MGAM: variants seen among roughly 807,000 people sequenced by gnomAD.
The protein encoded by MGAM is alpha-1,4-glucosidase.
In MGAM, 253 loss-of-function variants were observed where a neutral mutation model predicts 358.8. That is an observed-to-expected ratio of 0.71 (90% confidence interval 0.64 to 0.78). The LOEUF is 0.78. MGAM is among the 30% of genes least tolerant of loss of function. The probability of loss-of-function intolerance (pLI) is 0.00; values close to 1 mark genes in which losing one functional copy is unlikely to be tolerated. For missense variants in MGAM, 3,080 were observed against 3,432.6 expected (o/e 0.90, Z 2.57); for synonymous variants, 1,105 against 1,227.1 (o/e 0.90, Z 2.08).
At position 142,083,283 on chromosome 7, in the gene MGAM, A is replaced by G. The variant is rs1468087962; in HGVS notation, c.6269-18A>G. The G allele has an allele frequency of 1.3e-6, 2 of 1,516,828 alleles. No homozygotes were observed. Among genetic ancestry groups the G allele is most frequent in the Non-Finnish European group, 1.8e-6 (2 of 1,103,306 alleles). The allele number at this position is 1,516,828 out of a possible 1,614,324, so 94.0% of individuals were successfully genotyped here. On this transcript the variant is annotated intron_variant, in intron 52 of 70. Transcript: ENST00000475668. ...GTGGAAAGTTTCCAGCTTGATTAGCATTTTTCTTCATTTTCAGATGTGACG... is the reference window on the plus strand; with the variant it reads ...GTGGAAAGTTTCCAGCTTGATTAGCGTTTTTCTTCATTTTCAGATGTGACG...
At chr7:142,050,605 G>A in intron 23 of MGAM, 92 bp from the exon 24 acceptor site, 2 of 1,293,944 alleles carry the variant, frequency 1.5e-6, no homozygotes, top group Non-Finnish European at 2.2e-6. Context: ...GGCAGTGGGG[G>A]GTATCCGGTC....
rs781524461 is a variant in MGAM at position 142,071,167 on chromosome 7, A to C, written c.5186+49A>C. On this transcript the variant is annotated intron_variant, in intron 44 of 70. Coordinates refer to ENST00000475668, the MANE Select transcript of MGAM (RefSeq NM_001365693.1). ...CCTTTACATTTCAGTTAGCTCAACA[A>C]TTTGTGATGAAGTCTACCAAAATGT... 5 of 1,511,272 alleles carry C rather than the reference A, an allele frequency of 3.3e-6. No homozygotes were observed. In the Admixed American group the frequency reaches 9.3e-5, roughly 28 times the overall value. 93.6% of individuals were successfully genotyped at this position (1,511,272 alleles called of 1,614,324 possible). A position where few individuals can be genotyped will look rare whatever the true frequency, so the allele number is the denominator to read the frequency against.
At position 142,096,533 on chromosome 7, in the gene MGAM, T is replaced by C. The variant is rs956071365; in HGVS notation, c.7692+118T>C. On this transcript the variant is annotated intron_variant, in intron 65 of 70. Transcript: ENST00000475668. The stretch of plus-strand genomic sequence containing the variant: ...AAGACATGGTTTCTTATTCTACCTG[T>C]GTCTCTTCCTCTCTTTCTGAGCTGA... 2.5e-5 allele frequency: 30 copies of C among 1,220,032 alleles called. No individual in the cohort carries two copies. In the African/African-American group the frequency reaches 4.5e-4, roughly 18 times the overall value. The allele number at this position is 1,220,032 out of a possible 1,614,324, so 75.6% of individuals were successfully genotyped here. A position where few individuals can be genotyped will look rare whatever the true frequency, so the allele number is the denominator to read the frequency against.
chr7:142,034,469 T>G, intron 15 of MGAM, 90 bp downstream of exon 15: 1 of 1,071,526 alleles, frequency 9.3e-7, no homozygotes. Flanking sequence ...GGCTAATGCA[T>G]AAAATTTCTT....
chr7:142,071,330 G>A (rs1813331418), intron 44 of MGAM, among the ~76,000 whole-genome samples: 1 of 146,502 alleles, frequency 6.8e-6, no homozygotes, highest in Non-Finnish European at 1.5e-5. Flanking sequence ...AAGGGAGTGA[G>A]ATGAAAGGTC....
chr7:142,052,877 G>C lies in MGAM; in HGVS notation c.3052G>C (p.Asp1018His). 1 of 1,613,874 alleles carries C rather than the reference G, an allele frequency of 6.2e-7. No homozygotes were observed. The highest frequency in any genetic ancestry group is 8.5e-7 in the Non-Finnish European group (1 of 1,179,852). The change falls in exon 26 of 71, where the codon GAC becomes CAC. Residue 1018 changes from aspartate to histidine, a missense_variant. By Grantham distance (81) the Asp-to-His change is moderately conservative (BLOSUM62 -1). Around this residue, in one of 5 missense-constraint regions of MGAM, gnomAD observed 1,816 missense variants for 1,840.5 expected, o/e 0.99. Transcript: ENST00000475668. ...GTATAATTCCCATGGGGCCACAGCT[G>C]ACATCTCCTTAAAGTCTTCCGTTTA... ...VQYNSHGATA[D>H]ISLKSSVYAN...
At chr7:142,048,866 G>A (rs758599414) in intron 22 of MGAM, among the ~76,000 whole-genome samples, 15 of 152,152 alleles carry the variant, frequency 9.9e-5, no homozygotes, top group African/African-American at 1.4e-4. Flanking sequence ...TGGACAATGT[G>A]AGGATTTAAT....
At position 142,030,754 on chromosome 7, in the gene MGAM, G is replaced by A; in HGVS notation, c.1467G>A (p.Gly489=). 6.3e-7 allele frequency: 1 copy of A among 1,596,752 alleles called. No homozygotes were observed. Among genetic ancestry groups the A allele is most frequent in the Non-Finnish European group, 8.6e-7 (1 of 1,164,334 alleles). Residue 489 remains glycine (G), a synonymous_variant, in exon 12 of 71, where the codon GGG becomes GGA. Coordinates refer to ENST00000475668, the MANE Select transcript of MGAM (RefSeq NM_001365693.1). ...CAGATGGAGTGACTCCACTCATTGGGGAGGTAACTTAATGGGAAGGCTGGA... is the reference window on the plus strand; with the variant it reads ...CAGATGGAGTGACTCCACTCATTGGAGAGGTAACTTAATGGGAAGGCTGGA... ...NSSDGVTPLI[G]EVWPGQTVFP... is the part of the protein sequence containing the mutation.
chr7:142,067,744 A>G (rs1189189693), intron 42 of MGAM, among the ~76,000 whole-genome samples: 1 of 138,030 alleles, frequency 7.2e-6, no homozygotes, highest in Non-Finnish European at 1.6e-5. Context: ...GTATTGTAAA[A>G]AATTTATAAC....
At position 142,027,773 on chromosome 7, in the gene MGAM, A is replaced by T. The variant is rs202198746; in HGVS notation, c.1221+38A>T. 92 of 1,475,580 alleles carry T rather than the reference A, an allele frequency of 6.2e-5. No homozygotes were observed. The African/African-American group carries it at 1.1e-3, about 17-fold the overall frequency. 91.4% of individuals were successfully genotyped at this position (1,475,580 alleles called of 1,614,324 possible). On this transcript the variant is annotated intron_variant, in intron 10 of 70. Coordinates refer to ENST00000475668, the MANE Select transcript of MGAM (RefSeq NM_001365693.1). ...TTCAACAGTTCTCCAAAAGTAAAGA[A>T]ATTCCCTTGAAGAAAAAGAAAAACT...
intron 16 of MGAM, among the ~76,000 whole-genome samples, chr7:142,035,875 G>T (rs1043103672): frequency 6.6e-6 from 1 of 152,120 alleles, no homozygotes; most frequent in Non-Finnish European, 1.5e-5. Context: ...GCATCCAAAA[G>T]CTCTTTATGT....
chr7:142,094,353 C>T lies in MGAM; in HGVS notation c.7173-11C>T, dbSNP rs759245386. On this transcript the variant is annotated splice_polypyrimidine_tract_variant and intron_variant, in intron 60 of 70. Coordinates refer to ENST00000475668, the MANE Select transcript of MGAM (RefSeq NM_001365693.1). ...GTGCCCTCAGTTCACCTCCTTTTCCCCTCCAACCAGAGCCGTGCAGGAGGT... is the reference window on the plus strand; with the variant it reads ...GTGCCCTCAGTTCACCTCCTTTTCCTCTCCAACCAGAGCCGTGCAGGAGGT... 3.0e-5 allele frequency: 46 copies of T among 1,511,434 alleles called. 5 individuals are homozygous for T. Among genetic ancestry groups the T allele is most frequent in the Middle Eastern group, 4.3e-4 (2 of 4,598 alleles). The allele number at this position is 1,511,434 out of a possible 1,614,324, so 93.6% of individuals were successfully genotyped here. A position where few individuals can be genotyped will look rare whatever the true frequency, so the allele number is the denominator to read the frequency against.
At position 142,065,726 on chromosome 7, in the gene MGAM, T is replaced by A; in HGVS notation, c.4665T>A (p.Asp1555Glu). 2 of 1,572,298 alleles carry A rather than the reference T, an allele frequency of 1.3e-6. No individual in the cohort carries two copies. Among genetic ancestry groups the A allele is most frequent in the Non-Finnish European group, 1.7e-6 (2 of 1,145,418 alleles). ...SLFGISYTGA[D>E]ICGFFQDAEY... ...TCCTCTTGTTTCAGACGGGAGCAGA[T>A]ATCTGTGGGTTCTTTCAAGACGCTG... The change falls in exon 40 of 71, where the codon GAT (aspartate) becomes GAA (glutamate). Residue 1555 changes from aspartate to glutamate, a missense_variant. By Grantham distance (45) the Asp-to-Glu change is conservative. Coordinates refer to ENST00000475668, the MANE Select transcript of MGAM (RefSeq NM_001365693.1).
At chr7:142,065,284 C>A in intron 37 of MGAM, 51 bp from the exon 38 acceptor site, 1 of 1,582,968 alleles carries the variant, frequency 6.3e-7, no homozygotes, top group Non-Finnish European at 8.6e-7. Flanking sequence ...GCTCTATGGC[C>A]TTTACTCCCT....
intron 20 of MGAM, 31 bp from the exon 21 acceptor site, chr7:142,040,691 C>A (rs770508977): frequency 6.2e-6 from 10 of 1,609,482 alleles, no homozygotes; most frequent in Non-Finnish European, 8.5e-6. Flanking sequence ...TGCTGTCATG[C>A]CAATGTGTTT....
rs553570235 is a variant in MGAM at position 142,098,915 on chromosome 7, C to T, written c.7750-698C>T. On this transcript the variant is annotated intron_variant, in intron 66 of 70. Transcript: ENST00000475668. Reference sequence around the variant, plus strand: ...AAGAAGTGTCACCTTAATTAATCTTCCCAAGTTTGGGTAACTATTACTCAT... The same window carrying T: ...AAGAAGTGTCACCTTAATTAATCTTTCCAAGTTTGGGTAACTATTACTCAT... 1.6e-3 allele frequency among the ~76,000 whole-genome samples: 239 copies of T among 152,330 alleles called. 1 individual carries two copies. Among genetic ancestry groups the T allele is most frequent in the Non-Finnish European group, 2.8e-3 (188 of 68,028 alleles).
intron 57 of MGAM, among the ~76,000 whole-genome samples, chr7:142,090,026 T>C (rs1450877035): frequency 6.9e-6 from 1 of 145,746 alleles, no homozygotes; most frequent in East Asian, 2.0e-4. Flanking sequence ...TGATGGGATC[T>C]AGGAATTGCA....
chr7:141,998,409 C>G (rs1554449529), intron 1 of MGAM, among the ~76,000 whole-genome samples: 1 of 152,136 alleles, frequency 6.6e-6, no homozygotes, highest in East Asian at 1.9e-4. Context: ...CTCCCCTAGC[C>G]CGCCATCCCC....
chr7:142,102,675 G>A lies in MGAM; in HGVS notation c.8009G>A (p.Ser2670Asn). The change falls in exon 69 of 71, where the codon AGC becomes AAC. Residue 2670 changes from serine (S) to asparagine (N), a missense_variant. This residue lies in a region of MGAM where 194 missense variants were observed against 172.8 expected (regional missense o/e 1.12). Transcript: ENST00000475668. The part of the protein sequence containing the change: ...GLYYLASFSA[S>N]QNTMQSHIIF... Reference sequence around the variant, plus strand: ...TATTACTTGGCCAGCTTTTCTGCCAGCCAGGTGAGTGTGATTGATATGAAG... The same window carrying A: ...TATTACTTGGCCAGCTTTTCTGCCAACCAGGTGAGTGTGATTGATATGAAG... 6.2e-7 allele frequency: 1 copy of A among 1,613,144 alleles called. No homozygotes were observed. The highest frequency in any genetic ancestry group is 8.5e-7 in the Non-Finnish European group (1 of 1,179,496).
Sources: allele counts gnomAD v4.1 joint callset (sites outside exome capture counted in the v4.1 genomes callset), GRCh38; gene constraint gnomAD v4.1.1; regional missense constraint gnomAD v4.1.1; transcripts MANE v1.5; gene names NCBI Gene and HGNC (gene_info 2026-07-23, HGNC 2026-07-21).